The following SEPTIN9 variants were observed in gnomAD, a reference collection of about 807,000 sequenced individuals.
SEPTIN9 encodes septin 9, also known as septin-9.
A neutral mutation model predicts 56.6 loss-of-function variants in SEPTIN9; 13 were observed. That is an observed-to-expected ratio of 0.23 (90% CI 0.15 to 0.37). The LOEUF is 0.37. SEPTIN9 is among the 10% of genes least tolerant of loss of function. SEPTIN9 has a pLI of 1.00. For synonymous variants in SEPTIN9, 332 were observed against 334.1 expected, an observed-to-expected ratio of 0.99 and a Z score of 0.07; for missense variants, 650 against 823.1, an observed-to-expected ratio of 0.79 and a Z score of 2.57.
At chr17:77,491,196 C>T (rs1396657217) in intron 8 of SEPTIN9, among the ~76,000 whole-genome samples, 1 of 149,564 alleles carries the variant, frequency 6.7e-6, no homozygotes, top group Non-Finnish European at 1.5e-5. Flanking sequence ...GGCCGTGCGA[C>T]ATGGCCCACC....
chr17:77,320,845 G>T (rs1460177579), intron 2 of SEPTIN9, among the ~76,000 whole-genome samples: 1 of 152,252 alleles, frequency 6.6e-6, no homozygotes, highest in Non-Finnish European at 1.5e-5. Flanking sequence ...AGAGGGGGAA[G>T]CTCCCGGCGC....
In SEPTIN9 at chr17:77,433,666, C is replaced by G. The variant is rs546542846; in HGVS notation, c.721+30963C>G. ...TGACCTGTGGCTGGATCTAGCTGCC[C>G]GTGGACAGGCTGTGAGTGAATCTGC... On this transcript the variant is annotated intron_variant, in intron 3 of 11. Coordinates refer to ENST00000427177, the MANE Select transcript of SEPTIN9 (RefSeq NM_001113491.2). This position sits in a 1 kb window ranked among gnomAD's most constrained non-coding sequence, Gnocchi z 6.4. Among the ~76,000 whole-genome samples, 1 of 152,138 alleles carries G rather than the reference C, an allele frequency of 6.6e-6. No homozygotes were observed. Among genetic ancestry groups the G allele is most frequent in the Non-Finnish European group, 1.5e-5 (1 of 68,012 alleles).
chr17:77,385,995 C>T (rs1269648358), intron 2 of SEPTIN9, among the ~76,000 whole-genome samples: 1 of 152,152 alleles, frequency 6.6e-6, no homozygotes, highest in African/African-American at 2.4e-5. Flanking sequence ...AGGGATCTTT[C>T]GGTCCAGCCC....
intron 2 of SEPTIN9, among the ~76,000 whole-genome samples, chr17:77,390,337 A>T (rs1598297116): frequency 2.8e-5 from 2 of 70,592 alleles, no homozygotes; most frequent in Non-Finnish European, 2.6e-5. Context: ...ACAGAGCAAG[A>T]CTCCGTCTTA....
intron 2 of SEPTIN9, among the ~76,000 whole-genome samples, chr17:77,385,667 T>C (rs2035312118): frequency 6.6e-6 from 1 of 152,270 alleles, no homozygotes. Context: ...CCCTGGTCGC[T>C]GGCAGTCAGG....
At chr17:77,497,106 G>A in intron 10 of SEPTIN9, 3 of 636,068 alleles carry the variant, frequency 4.7e-6, no homozygotes, top group East Asian at 5.5e-5. Context: ...AGGAGCTGGT[G>A]CTGGTCACTC....
intron 3 of SEPTIN9, among the ~76,000 whole-genome samples, chr17:77,431,603 C>A (rs1209686104): frequency 6.6e-6 from 1 of 151,968 alleles, no homozygotes; most frequent in African/African-American, 2.4e-5. Flanking sequence ...CTGAGGCAGG[C>A]AGATTGCTTG....
At chr17:77,359,336 C>T (rs1568012904) in intron 2 of SEPTIN9, among the ~76,000 whole-genome samples, 1 of 152,178 alleles carries the variant, frequency 6.6e-6, no homozygotes, top group Non-Finnish European at 1.5e-5. Context: ...TGTGGCAGGC[C>T]CTATGCCAGG....
At chr17:77,465,091 A>G (rs2038656910) in intron 3 of SEPTIN9, among the ~76,000 whole-genome samples, 1 of 152,240 alleles carries the variant, frequency 6.6e-6, no homozygotes, top group Non-Finnish European at 1.5e-5. Flanking sequence ...GGAATCGTAC[A>G]GTATGTGGCC....
At chr17:77,482,414 G>A (rs775574407) in intron 4 of SEPTIN9, 79 bp downstream of exon 4, 4 of 1,438,602 alleles carry the variant, frequency 2.8e-6, no homozygotes, top group South Asian at 2.4e-5. Context: ...AAGCCTTTGG[G>A]CTTGGTCTTC....
intron 2 of SEPTIN9, among the ~76,000 whole-genome samples, chr17:77,309,719 G>T (rs2032408416): frequency 6.6e-6 from 1 of 151,386 alleles, no homozygotes. Context: ...GCTTTGGTCA[G>T]CTCACACACT....
intron 2 of SEPTIN9, among the ~76,000 whole-genome samples, chr17:77,379,828 A>C (rs2035074863): frequency 1.3e-5 from 2 of 151,820 alleles, no homozygotes; most frequent in Admixed American, 1.3e-4. Context: ...GATTCATCCC[A>C]GAAACCCAGC....
Position 77,499,326 on chromosome 17 carries a change from G to A in SEPTIN9, c.*668G>A, listed in dbSNP as rs568781812. 6.2e-5 allele frequency: 37 copies of A among 595,982 alleles called. No homozygotes were observed. The highest frequency in any genetic ancestry group is 1.4e-4 in the South Asian group (10 of 71,288). The allele number at this position is 595,982 out of a possible 1,614,324, so 36.9% of individuals were successfully genotyped here. ...ATCCGCAGACTGCTTGGCCAGATGC[G>A]GGGACAGGCTGGAATGAGGGAGGCG... On this transcript the variant is annotated 3_prime_UTR_variant, in exon 12 of 12. Coordinates refer to ENST00000427177, the MANE Select transcript of SEPTIN9 (RefSeq NM_001113491.2).
chr17:77,303,924 C>A (rs1164917941), intron 1 of SEPTIN9, among the ~76,000 whole-genome samples: 3 of 152,156 alleles, frequency 2.0e-5, no homozygotes, highest in African/African-American at 7.2e-5. Context: ...GGCTTTCCTG[C>A]CTCCTTTGCC....
intron 1 of SEPTIN9, among the ~76,000 whole-genome samples, chr17:77,297,639 G>A (rs909926165): frequency 2.0e-4 from 31 of 152,264 alleles, no homozygotes; most frequent in Admixed American, 1.9e-3. Context: ...CCTTCCAGTC[G>A]TTCATTCTTT....
rs1484590588 is a variant in SEPTIN9, at chr17:77,445,417, A to G, written c.722-36727A>G. 2 of 469,562 alleles carry G rather than the reference A, an allele frequency of 4.3e-6. No individual in the cohort carries two copies. The highest frequency in any genetic ancestry group is 8.8e-6 in the Non-Finnish European group (2 of 227,040). The allele number at this position is 469,562 out of a possible 1,614,324, so 29.1% of individuals were successfully genotyped here. A position where few individuals can be genotyped will look rare whatever the true frequency, so the allele number is the denominator to read the frequency against. The stretch of plus-strand genomic sequence containing the variant: ...CAGGATGGATTGGAAAAGAGTTGGC[A>G]GGAAGGCTGAGCTCTGTGCTCACAA... On this transcript the variant is annotated intron_variant, in intron 3 of 11. Coordinates refer to ENST00000427177, the MANE Select transcript of SEPTIN9 (RefSeq NM_001113491.2). This position sits in a 1 kb window ranked among gnomAD's most constrained non-coding sequence, Gnocchi z 4.7.
chr17:77,282,064 C>T (rs1170451001), intron 1 of SEPTIN9, among the ~76,000 whole-genome samples: 1 of 152,208 alleles, frequency 6.6e-6, no homozygotes, highest in Non-Finnish European at 1.5e-5. Flanking sequence ...CTCGGGTTCA[C>T]GTTTTGCGCT....
rs1186461238 is a variant in SEPTIN9, at chr17:77,435,181, T to G, written c.721+32478T>G. The stretch of plus-strand genomic sequence containing the variant: ...TAAGTAACCTGCCCAAGCCTCCCTC[T>G]GAGCATGGCAGAGGGAGGGTCCGAA... On this transcript the variant is annotated intron_variant, in intron 3 of 11. Transcript: ENST00000427177. This position sits in a 1 kb window ranked among gnomAD's most constrained non-coding sequence, Gnocchi z 4.5. 2.6e-5 allele frequency among the ~76,000 whole-genome samples: 4 copies of G among 152,196 alleles called. No individual in the cohort carries two copies. Among genetic ancestry groups the G allele is most frequent in the Non-Finnish European group, 5.9e-5 (4 of 68,022 alleles).
Position 77,450,798 on chromosome 17 carries a change from C to T in SEPTIN9, c.722-31346C>T. The stretch of plus-strand genomic sequence containing the variant: ...AGGAAGAGCTCAGGGTGAGCTGCGC[C>T]CCCATCCCCTGCCCCTCCTCTCCTG... On this transcript the variant is annotated intron_variant, in intron 3 of 11. Transcript: ENST00000427177. The surrounding 1 kb of genome is among the most constrained non-coding windows in gnomAD (Gnocchi z 6.0). 1 of 986,376 alleles carries T rather than the reference C, an allele frequency of 1.0e-6. No individual in the cohort carries two copies. The highest frequency in any genetic ancestry group is 5.2e-4 in the Middle Eastern group (1 of 1,928). The allele number at this position is 986,376 out of a possible 1,614,324, so 61.1% of individuals were successfully genotyped here.
Sources: gnomAD v4.1 joint callset for allele counts (sites outside exome capture counted in the v4.1 genomes callset) on GRCh38, gnomAD v4.1.1 for gene constraint, Gnocchi (gnomAD v3.1) non-coding constraint, MANE v1.5 for transcripts, NCBI Gene and HGNC (gene_info 2026-07-23, HGNC 2026-07-21) for gene names.